THRB: variants seen among roughly 807,000 people sequenced by gnomAD.
The protein encoded by THRB is nuclear receptor subfamily 1 group A member 2.
THRB carries 12 observed loss-of-function variants against 47.8 expected under a neutral mutation model. That is an observed-to-expected ratio of 0.25 (90% CI 0.16 to 0.41). The LOEUF is 0.41. Among genes scored for constraint, THRB ranks in the 10% least tolerant of loss-of-function variants. THRB has a pLI of 1.00. For synonymous variants in THRB, 218 were observed against 212.2 expected, an observed-to-expected ratio of 1.03 and a Z score of -0.24; for missense variants, 348 against 589.2, an observed-to-expected ratio of 0.59 and a Z score of 4.24.
intron 1 of THRB, among the ~76,000 whole-genome samples, chr3:24,433,396 A>G (rs1202960893): frequency 2.0e-5 from 3 of 152,158 alleles, no homozygotes; most frequent in Non-Finnish European, 4.4e-5. Context: ...TGATGGAAGC[A>G]TAGATTAGAG....
intron 4 of THRB, among the ~76,000 whole-genome samples, chr3:24,214,389 A>G (rs1246324905): frequency 1.3e-5 from 2 of 152,242 alleles, no homozygotes; most frequent in Non-Finnish European, 2.9e-5. Context: ...GAGAAATAAA[A>G]CAGCTTCCTG....
intron 4 of THRB, among the ~76,000 whole-genome samples, chr3:24,209,617 T>C (rs973543825): frequency 2.0e-5 from 3 of 152,038 alleles, no homozygotes; most frequent in African/African-American, 4.8e-5. Flanking sequence ...AAGGTGGGAA[T>C]TGAACAATGA....
chr3:24,280,568 C>T (rs1487285569), intron 3 of THRB, among the ~76,000 whole-genome samples: 1 of 152,202 alleles, frequency 6.6e-6, no homozygotes, highest in African/African-American at 2.4e-5. Context: ...TCACCAGCAA[C>T]AGAACAAAGC....
intron 1 of THRB, among the ~76,000 whole-genome samples, chr3:24,461,473 G>C (rs1484579949): frequency 1.3e-5 from 2 of 152,154 alleles, no homozygotes; most frequent in Non-Finnish European, 2.9e-5. Context: ...AAAAAACATT[G>C]TGAAGGCAGA....
chr3:24,326,480 C>A (rs1310981518), intron 2 of THRB, among the ~76,000 whole-genome samples: 1 of 152,126 alleles, frequency 6.6e-6, no homozygotes, highest in Non-Finnish European at 1.5e-5. Flanking sequence ...AGGTGATCCA[C>A]CTGCCTCGGC....
chr3:24,205,738 G>A (rs1328614909), intron 4 of THRB, among the ~76,000 whole-genome samples: 1 of 152,180 alleles, frequency 6.6e-6, no homozygotes, highest in Non-Finnish European at 1.5e-5. Context: ...CCATCAGTGT[G>A]CTGTATTCAG....
intron 3 of THRB, among the ~76,000 whole-genome samples, chr3:24,281,390 G>C (rs1169446944): frequency 6.6e-6 from 1 of 151,868 alleles, no homozygotes; most frequent in East Asian, 1.9e-4. Context: ...CAAATGCTGA[G>C]AGATTTTGTC....
chr3:24,441,638 T>C (rs2071533870), intron 1 of THRB, among the ~76,000 whole-genome samples: 1 of 152,054 alleles, frequency 6.6e-6, no homozygotes, highest in South Asian at 2.1e-4. Flanking sequence ...AATCCATATA[T>C]ACAGTTGATT....
chr3:24,124,363 A>G (rs968618192), intron 10 of THRB, among the ~76,000 whole-genome samples: 19 of 152,122 alleles, frequency 1.2e-4, no homozygotes, highest in African/African-American at 4.1e-4. Flanking sequence ...CCTTTCCCCT[A>G]TCTTCTCTCT....
chr3:24,163,314 A>G (rs1015611734), intron 5 of THRB, among the ~76,000 whole-genome samples: 1 of 152,316 alleles, frequency 6.6e-6, no homozygotes, highest in South Asian at 2.1e-4. Context: ...TGGCTTTGAA[A>G]TTACATCAAT....
chr3:24,278,725 A>G (rs1466237815), intron 3 of THRB, among the ~76,000 whole-genome samples: 14 of 152,206 alleles, frequency 9.2e-5, no homozygotes, highest in Admixed American at 9.2e-4. Flanking sequence ...GTGGGCAAGA[A>G]CCTTGTCTCA....
intron 5 of THRB, 26 bp downstream of exon 5, chr3:24,190,048 T>C: frequency 6.2e-7 from 1 of 1,612,550 alleles, no homozygotes; most frequent in Non-Finnish European, 8.5e-7. Flanking sequence ...AAACACATGA[T>C]AATGGGCTAA....
chr3:24,443,967 A>G (rs149984183), intron 1 of THRB, among the ~76,000 whole-genome samples: 19 of 152,318 alleles, frequency 1.2e-4, no homozygotes, highest in African/African-American at 4.3e-4. Context: ...TATTCTCCTC[A>G]TGGATGATAA....
At chr3:24,128,809 A>G (rs2148846687) in intron 9 of THRB, among the ~76,000 whole-genome samples, 1 of 142,730 alleles carries the variant, frequency 7.0e-6, no homozygotes, top group South Asian at 2.3e-4. Context: ...TGAGGCTAGG[A>G]TTTGAAACTG....
intron 3 of THRB, among the ~76,000 whole-genome samples, chr3:24,271,508 G>A (rs1042416733): frequency 1.3e-5 from 2 of 152,142 alleles, no homozygotes; most frequent in Non-Finnish European, 2.9e-5. Context: ...CCTTTAAAAC[G>A]AAGCACACTG....
intron 1 of THRB, among the ~76,000 whole-genome samples, chr3:24,454,866 A>G (rs1158337039): frequency 6.6e-6 from 1 of 152,130 alleles, no homozygotes; most frequent in Non-Finnish European, 1.5e-5. Context: ...CACGATCACA[A>G]AGATAATGAG....
At chr3:24,421,704 A>C (rs957474611) in intron 1 of THRB, among the ~76,000 whole-genome samples, 1 of 151,970 alleles carries the variant, frequency 6.6e-6, no homozygotes, top group Non-Finnish European at 1.5e-5. Context: ...TGGACACTTC[A>C]GAACTAAGCA....
intron 4 of THRB, among the ~76,000 whole-genome samples, chr3:24,217,676 T>C (rs2046715130): frequency 6.6e-6 from 1 of 152,158 alleles, no homozygotes; most frequent in Admixed American, 6.5e-5. Flanking sequence ...ATGTTTCCCC[T>C]CCCATTTTCT....
At chr3:24,150,373 A>T (rs1262497544) in intron 6 of THRB, among the ~76,000 whole-genome samples, 6 of 152,192 alleles carry the variant, frequency 3.9e-5, no homozygotes, top group Non-Finnish European at 7.4e-5. Context: ...ATGCTTTGTC[A>T]TTATATTAAG....
Sources: allele counts gnomAD v4.1 joint callset (sites outside exome capture counted in the v4.1 genomes callset), GRCh38; gene constraint gnomAD v4.1.1; transcripts MANE v1.5; gene names NCBI Gene and HGNC (gene_info 2026-07-23, HGNC 2026-07-21).